NEDD9: variants seen among roughly 807,000 people sequenced by gnomAD.
The protein encoded by NEDD9 is enhancer of filamentation 1.
In NEDD9, 26 loss-of-function variants were observed where a neutral mutation model predicts 76.6. The observed-to-expected ratio is 0.34, with a 90% CI of 0.25 to 0.47. The LOEUF is 0.47. Ranked by LOEUF, NEDD9 falls within the 20% of genes least tolerant of loss-of-function variation. NEDD9 has a pLI of 1.00. For missense variants in NEDD9, 937 were observed against 1,058.5 expected, an observed-to-expected ratio of 0.89 and a Z score of 1.59; for synonymous variants, 392 against 414.2, an observed-to-expected ratio of 0.95 and a Z score of 0.65.
intron 3 of NEDD9, among the ~76,000 whole-genome samples, chr6:11,286,052 G>C (rs1470111552): frequency 3.3e-5 from 5 of 152,090 alleles, no homozygotes; most frequent in Non-Finnish European, 7.4e-5. Context: ...AGACTAAGAA[G>C]ACAAGCCAGA....
intron 1 of NEDD9, among the ~76,000 whole-genome samples, chr6:11,362,845 G>GAAATGACT (rs1296828194): frequency 1.3e-5 from 2 of 152,226 alleles, no homozygotes; most frequent in African/African-American, 2.4e-5. Context: ...TATGGGGACA[G>GAAATGACT]AAATGACTAA....
intron 1 of NEDD9, among the ~76,000 whole-genome samples, chr6:11,351,049 C>T (rs1762459236): frequency 6.6e-6 from 1 of 152,134 alleles, no homozygotes; most frequent in South Asian, 2.1e-4. Flanking sequence ...CACAGAGTTG[C>T]CATTTTCTTT....
chr6:11,243,305 GA>G (rs1219833159), intron 3 of NEDD9, among the ~76,000 whole-genome samples: 1 of 152,184 alleles, frequency 6.6e-6, no homozygotes, highest in Non-Finnish European at 1.5e-5. Context: ...AAAAAGAAAT[GA>G]AAAAGACTGG....
chr6:11,231,508 G>C (rs1243622443), intron 1 of NEDD9, among the ~76,000 whole-genome samples: 1 of 152,236 alleles, frequency 6.6e-6, no homozygotes, highest in East Asian at 1.9e-4. Flanking sequence ...AATATAAATT[G>C]TCAATCCACA....
intron 3 of NEDD9, among the ~76,000 whole-genome samples, chr6:11,253,904 TA>T (rs1759956464): frequency 6.6e-6 from 1 of 152,144 alleles, no homozygotes; most frequent in African/African-American, 2.4e-5. Context: ...TTTGTACTGG[TA>T]TTTTTTTTTA....
At chr6:11,223,439 T>C (rs1002500202) in intron 1 of NEDD9, among the ~76,000 whole-genome samples, 3 of 151,758 alleles carry the variant, frequency 2.0e-5, no homozygotes, top group African/African-American at 7.3e-5. Flanking sequence ...CATGAAATTG[T>C]GTCTTAAGAA....
At chr6:11,302,817 G>A (rs993230808) in intron 3 of NEDD9, among the ~76,000 whole-genome samples, 5 of 152,038 alleles carry the variant, frequency 3.3e-5, no homozygotes, top group Non-Finnish European at 7.4e-5. Context: ...ATTCAACAGC[G>A]CTTCATGCTA....
chr6:11,212,014 T>C (rs1758799558), intron 2 of NEDD9, among the ~76,000 whole-genome samples: 1 of 152,192 alleles, frequency 6.6e-6, no homozygotes, highest in Non-Finnish European at 1.5e-5. Flanking sequence ...ATTAGTGCTT[T>C]CATTGTTTAA....
At chr6:11,313,018 T>C (rs1355679097) in intron 2 of NEDD9, among the ~76,000 whole-genome samples, 2 of 152,150 alleles carry the variant, frequency 1.3e-5, no homozygotes, top group African/African-American at 2.4e-5. Flanking sequence ...TGTCTACCTG[T>C]TTTTCAAGTG....
chr6:11,205,705 C>A (rs1758587953), intron 2 of NEDD9, among the ~76,000 whole-genome samples: 1 of 151,982 alleles, frequency 6.6e-6, no homozygotes. Context: ...CAGCTCACTG[C>A]AACCTCTGCC....
chr6:11,324,942 A>G (rs764248069), intron 2 of NEDD9, among the ~76,000 whole-genome samples: 15 of 152,248 alleles, frequency 9.9e-5, no homozygotes, highest in Non-Finnish European at 2.2e-4. Context: ...TTGCATTTGC[A>G]AACAACTTAA....
At position 11,183,453 on chromosome 6, in the gene NEDD9, A is replaced by G. The variant is rs149221353; in HGVS notation, c.*1709T>C. 2.0e-5 allele frequency: 3 copies of G among 152,370 alleles called. No individual in the cohort carries two copies. Among genetic ancestry groups the G allele is most frequent in the Non-Finnish European group, 4.4e-5 (3 of 68,034 alleles). The allele number at this position is 152,370 out of a possible 1,614,324, so 9.4% of individuals were successfully genotyped here. On this transcript the variant is annotated 3_prime_UTR_variant, in exon 7 of 7. Transcript: ENST00000379446. ...GTCAGCCATCTCCTAAGAAATACAC[A>G]TTATACAATGAAATCTACAAAGACA...
At chr6:11,218,298 G>A (rs1356825707) in intron 1 of NEDD9, among the ~76,000 whole-genome samples, 1 of 151,510 alleles carries the variant, frequency 6.6e-6, no homozygotes, top group African/African-American at 2.4e-5. Flanking sequence ...CCCATCTGGG[G>A]CCCTGCTTTC....
intron 1 of NEDD9, among the ~76,000 whole-genome samples, chr6:11,373,852 G>A (rs1459183313): frequency 6.6e-6 from 1 of 152,128 alleles, no homozygotes; most frequent in African/African-American, 2.4e-5. Flanking sequence ...ATGTAGGTGG[G>A]CCTCCAATCA....
intron 1 of NEDD9, among the ~76,000 whole-genome samples, chr6:11,217,328 C>T (rs1758982923): frequency 6.6e-6 from 1 of 152,186 alleles, no homozygotes; most frequent in African/African-American, 2.4e-5. Context: ...AAGTCAGAAG[C>T]TGATGATCTG....
Position 11,366,401 on chromosome 6 carries a change from A to G in NEDD9, c.-214+15738T>C, listed in dbSNP as rs1161520213. The stretch of plus-strand genomic sequence containing the variant: ...GAGCAAGACAGAGAGAGAGAGAAAT[A>G]AAAGAAGAAAGAAAAAAGAAAAAGA... On this transcript the variant is annotated intron_variant, in intron 1 of 3. Coordinates refer to the NEDD9 transcript ENST00000397378. 3.0e-5 allele frequency among the ~76,000 whole-genome samples: 4 copies of G among 131,310 alleles called. No homozygotes were observed. The Admixed American group carries it at 3.1e-4, about 10-fold the overall frequency. 86.1% of individuals were successfully genotyped at this position (131,310 alleles called of 152,430 possible).
chr6:11,232,629 C>A lies in NEDD9; in HGVS notation c.-114G>T. 1 of 1,587,756 alleles carries A rather than the reference C, an allele frequency of 6.3e-7. No individual in the cohort carries two copies. Among genetic ancestry groups the A allele is most frequent in the Non-Finnish European group, 8.6e-7 (1 of 1,168,134 alleles). On this transcript the variant is annotated 5_prime_UTR_variant, in exon 1 of 7. Transcript: ENST00000379446. ...TAGATGAAAGCGAGAAGGTCCCGGGCAGAGCCGCTTGTCAGTCGCAGCGCC... is the reference window on the plus strand; with the variant it reads ...TAGATGAAAGCGAGAAGGTCCCGGGAAGAGCCGCTTGTCAGTCGCAGCGCC...
rs1759937749 is a variant in NEDD9 at position 11,252,865 on chromosome 6, A to G, written c.13-39138T>C. 6.6e-6 allele frequency among the ~76,000 whole-genome samples: 1 copy of G among 152,222 alleles called. No individual in the cohort carries two copies. Among genetic ancestry groups the G allele is most frequent in the African/African-American group, 2.4e-5 (1 of 41,458 alleles). On this transcript the variant is annotated intron_variant, in intron 3 of 3. Transcript: ENST00000397378. The surrounding 1 kb of genome is among the most constrained non-coding windows in gnomAD (Gnocchi z 4.3). ...AAAAATAAATAAATAAAAATTAGAC[A>G]CAGAAATGGAAGTGATAGGAATGTA...
chr6:11,317,121 G>T (rs927707849), intron 2 of NEDD9, among the ~76,000 whole-genome samples: 2 of 152,162 alleles, frequency 1.3e-5, no homozygotes, highest in Admixed American at 6.6e-5. Flanking sequence ...TATAACATCT[G>T]CCAGACAGAG....
Sources: gnomAD v4.1 joint callset for allele counts (sites outside exome capture counted in the v4.1 genomes callset) on GRCh38, gnomAD v4.1.1 for gene constraint, Gnocchi (gnomAD v3.1) non-coding constraint, MANE v1.5 for transcripts, NCBI Gene and HGNC (gene_info 2026-07-23, HGNC 2026-07-21) for gene names.